Variants in DMD observed in about 807,000 individuals in gnomAD.
DMD encodes the protein dystrophin.
Under a neutral mutation model 330.1 loss-of-function variants are expected in DMD, and 63 were observed. That is an observed-to-expected ratio of 0.19 (90% confidence interval 0.16 to 0.24). DMD has a LOEUF of 0.24. Ranked by LOEUF, DMD falls within the 10% of genes least tolerant of loss-of-function variation. The probability of loss-of-function intolerance (pLI) is 1.00; values close to 1 mark genes in which losing one functional copy is unlikely to be tolerated. For missense variants in DMD, 3,344 were observed against 2,684.1 expected (o/e 1.25, Z -5.43); for synonymous variants, 1,223 against 959.8 (o/e 1.27, Z -5.07).
At chrX:32,471,592 G>C (rs1439013982) in intron 22 of DMD, among the ~76,000 whole-genome samples, 1 of 111,804 alleles carries the variant, frequency 8.9e-6, no homozygotes, top group Non-Finnish European at 1.9e-5. Flanking sequence ...AAATAATACA[G>C]TATAACACAT....
Position 31,268,011 on chromosome X carries a change from T to C in DMD, c.9225-6995A>G, listed in dbSNP as rs772839529. Among the ~76,000 whole-genome samples, 81 of 112,276 alleles carry C rather than the reference T, an allele frequency of 7.2e-4. 1 individual carries two copies. The highest frequency in any genetic ancestry group is 2.5e-3 in the African/African-American group (78 of 30,882). On this transcript the variant is annotated intron_variant, in intron 62 of 78. Coordinates refer to ENST00000357033, the MANE Select transcript of DMD (RefSeq NM_004006.3). The stretch of plus-strand genomic sequence containing the variant: ...ATTTGCTTTCCACTCTCCTTTCCGA[T>C]TGATTCATTCCACTTCGGTCTACAG...
chrX:31,441,405 C>T (rs927251890), intron 60 of DMD, among the ~76,000 whole-genome samples: 3 of 111,672 alleles, frequency 2.7e-5, no homozygotes, highest in Non-Finnish European at 5.6e-5. Context: ...CCATGCTGGT[C>T]AGGCTGGTGT....
At chrX:33,039,027 T>C (rs1318622885) in intron 1 of DMD, among the ~76,000 whole-genome samples, 1 of 112,044 alleles carries the variant, frequency 8.9e-6, no homozygotes, top group Admixed American at 9.4e-5. Context: ...AAATTTTTTC[T>C]TCAATTTTAT....
intron 44 of DMD, among the ~76,000 whole-genome samples, chrX:32,173,701 T>A (rs779469824): frequency 1.3e-4 from 15 of 112,006 alleles, no homozygotes; most frequent in South Asian, 3.7e-4. Flanking sequence ...ATAAGACTAA[T>A]CAATTAAAAT....
At chrX:32,922,490 A>AT (rs1205281887) in intron 2 of DMD, among the ~76,000 whole-genome samples, 7 of 111,859 alleles carry the variant, frequency 6.3e-5, no homozygotes, top group Non-Finnish European at 1.3e-4. Context: ...GTGGAAGACA[A>AT]TTTTTTCACA....
At chrX:32,892,687 C>T (rs1269917323) in intron 2 of DMD, among the ~76,000 whole-genome samples, 1 of 111,792 alleles carries the variant, frequency 8.9e-6, no homozygotes, top group South Asian at 3.7e-4. Context: ...GTGAGCCACC[C>T]GGCCTCTAAT....
chrX:31,442,558 A>G (rs2065022855), intron 60 of DMD, among the ~76,000 whole-genome samples: 2 of 108,149 alleles, frequency 1.8e-5, no homozygotes, highest in Admixed American at 2.0e-4. Context: ...AAAAAAAAAA[A>G]CTTTTCTTAC....
At chrX:32,537,534 C>G (rs757380976) in intron 17 of DMD, among the ~76,000 whole-genome samples, 1 of 110,683 alleles carries the variant, frequency 9.0e-6, no homozygotes, top group South Asian at 3.9e-4. Context: ...TTCTGTCAAG[C>G]ACAAGACAAA....
chrX:32,067,972 A>G (rs2096270582), intron 44 of DMD, among the ~76,000 whole-genome samples: 1 of 112,077 alleles, frequency 8.9e-6, no homozygotes, highest in Non-Finnish European at 1.9e-5. Context: ...CATTCCCAAC[A>G]ACAGTGTATA....
At chrX:32,825,280 G>A (rs2078606957) in intron 4 of DMD, among the ~76,000 whole-genome samples, 1 of 111,384 alleles carries the variant, frequency 9.0e-6, no homozygotes, top group Admixed American at 9.6e-5. Flanking sequence ...TAGGAACTTA[G>A]ATTCCAGTAA....
chrX:32,482,629 G>C (rs753141196), intron 21 of DMD, among the ~76,000 whole-genome samples: 8 of 111,470 alleles, frequency 7.2e-5, no homozygotes, highest in African/African-American at 2.6e-4. Context: ...ATACGATCTA[G>C]TTCTTACAGC....
intron 9 of DMD, among the ~76,000 whole-genome samples, chrX:32,684,072 G>T (rs1018083643): frequency 9.6e-6 from 1 of 104,285 alleles, no homozygotes; most frequent in African/African-American, 3.6e-5. Context: ...ATACATAATG[G>T]ATTTAGAGTT....
At chrX:33,098,996 C>T (rs2148360256) in intron 1 of DMD, among the ~76,000 whole-genome samples, 1 of 112,157 alleles carries the variant, frequency 8.9e-6, no homozygotes, top group Admixed American at 9.5e-5. Flanking sequence ...CAGGCTATGA[C>T]CTAATGCGTG....
At chrX:32,716,657 C>T (rs150061047) in intron 7 of DMD, among the ~76,000 whole-genome samples, 88 of 110,746 alleles carry the variant, frequency 7.9e-4, no homozygotes, top group African/African-American at 2.6e-3. Flanking sequence ...CAGTGTGGAG[C>T]GCTCAGAAGA....
chrX:33,261,903 A>G (rs1041251902), intron 1 of DMD, among the ~76,000 whole-genome samples: 2 of 107,001 alleles, frequency 1.9e-5, no homozygotes, highest in Non-Finnish European at 3.8e-5. Context: ...GTGAATAAAT[A>G]AAGGCCTAAA....
At chrX:32,796,552 A>G (rs762700244) in intron 7 of DMD, among the ~76,000 whole-genome samples, 30 of 111,531 alleles carry the variant, frequency 2.7e-4, no homozygotes, top group African/African-American at 9.8e-4. Flanking sequence ...GAAAGGGGTG[A>G]CTAGAGTTAG....
intron 41 of DMD, among the ~76,000 whole-genome samples, chrX:32,332,413 A>AGTTTGTGT (rs2097684936): frequency 1.0e-5 from 1 of 95,342 alleles, no homozygotes; most frequent in Non-Finnish European, 2.1e-5. Flanking sequence ...ATGGATAAAA[A>AGTTTGTGT]GTGTGTGTGT....
intron 7 of DMD, among the ~76,000 whole-genome samples, chrX:32,723,351 A>AT (rs1334770243): frequency 9.0e-6 from 1 of 111,123 alleles, no homozygotes; most frequent in Non-Finnish European, 1.9e-5. Context: ...TCACATCTAT[A>AT]TTCCTCCTAG....
At chrX:31,222,215 A>G (rs1414187991) in intron 64 of DMD, among the ~76,000 whole-genome samples, 3 of 103,061 alleles carry the variant, frequency 2.9e-5, no homozygotes, top group African/African-American at 1.1e-4. Flanking sequence ...CAAAACAAAC[A>G]AACAAACAAA....
Sources: gnomAD v4.1 joint callset for allele counts (sites outside exome capture counted in the v4.1 genomes callset) on GRCh38, gnomAD v4.1.1 for gene constraint, MANE v1.5 for transcripts, NCBI Gene and HGNC (gene_info 2026-07-23, HGNC 2026-07-21) for gene names.